The following TNFRSF13B variants were observed in gnomAD, a reference collection of about 807,000 sequenced individuals.
The protein encoded by TNFRSF13B is tumor necrosis factor receptor superfamily member 13B.
TNFRSF13B carries 34 observed loss-of-function variants against 24.0 expected under a neutral mutation model. The observed-to-expected ratio is 1.41, with a 90% CI of 1.08 to 1.88. TNFRSF13B has a LOEUF of 1.88. Among genes scored for constraint, TNFRSF13B ranks in the 40% most tolerant of loss-of-function variants. The probability of loss-of-function intolerance (pLI) is 0.00; values close to 1 mark genes in which losing one functional copy is unlikely to be tolerated. For missense variants in TNFRSF13B, 415 were observed against 380.8 expected (o/e 1.09, Z -0.75); for synonymous variants, 173 against 150.3 (o/e 1.15, Z -1.10).
At chr17:16,944,723 C>T (rs1006295995) in intron 3 of TNFRSF13B, among the ~76,000 whole-genome samples, 6 of 152,192 alleles carry the variant, frequency 3.9e-5, no homozygotes, top group African/African-American at 1.4e-4. Context: ...CACAGCAAGC[C>T]TGCCACAGTT....
intron 3 of TNFRSF13B, among the ~76,000 whole-genome samples, chr17:16,942,898 G>A (rs2087521901): frequency 6.6e-6 from 1 of 152,224 alleles, no homozygotes; most frequent in African/African-American, 2.4e-5. Flanking sequence ...ATCCAGGAGA[G>A]TGCCATGGGG....
chr17:16,970,546 C>T (rs2087736616), intron 1 of TNFRSF13B, among the ~76,000 whole-genome samples: 1 of 152,224 alleles, frequency 6.6e-6, no homozygotes, highest in South Asian at 2.1e-4. Context: ...CATGACTCCC[C>T]AAGAGGGGGT....
intron 3 of TNFRSF13B, among the ~76,000 whole-genome samples, chr17:16,945,606 A>G (rs4404112): frequency 0.28 from 42,436 of 152,052 alleles, 7,374 homozygotes; most frequent in East Asian, 0.73. Context: ...GAAGTTTCAA[A>G]TGCATCACTG....
chr17:16,954,214 G>A (rs2087609864), intron 1 of TNFRSF13B, among the ~76,000 whole-genome samples: 1 of 152,210 alleles, frequency 6.6e-6, no homozygotes, highest in African/African-American at 2.4e-5. Flanking sequence ...GAGAAACATA[G>A]TGAGATCCTG....
chr17:16,966,757 C>T (rs890216765), intron 1 of TNFRSF13B, among the ~76,000 whole-genome samples: 14 of 144,196 alleles, frequency 9.7e-5, no homozygotes, highest in African/African-American at 4.0e-4. Context: ...AAATTTATTA[C>T]AGCAACATTT....
rs539769460 is a variant in TNFRSF13B, at chr17:16,967,518, G to T, written c.61+4497C>A. Among the ~76,000 whole-genome samples the T allele has an allele frequency of 9.2e-5, 14 of 152,014 alleles. No individual in the cohort carries two copies. In the South Asian group the frequency reaches 2.5e-3, roughly 27 times the overall value. On this transcript the variant is annotated intron_variant, in intron 1 of 4. Transcript: ENST00000261652. ...ACCTGTAATCCCAGCACTTTGGGAG[G>T]CCGAGGCTGGCGGATCACGAGGTCA...
At chr17:16,951,960 A>C (rs1196139890) in intron 2 of TNFRSF13B, among the ~76,000 whole-genome samples, 1 of 152,238 alleles carries the variant, frequency 6.6e-6, no homozygotes, top group Non-Finnish European at 1.5e-5. Context: ...TTGGTTGGGA[A>C]AGTACAAGGC....
chr17:16,945,906 G>T (rs1053019709), intron 3 of TNFRSF13B, among the ~76,000 whole-genome samples: 5 of 152,202 alleles, frequency 3.3e-5, no homozygotes, highest in African/African-American at 1.2e-4. Context: ...GTGATGAAGT[G>T]TAAGTTACCA....
chr17:16,966,507 C>G (rs1452519657), intron 1 of TNFRSF13B, among the ~76,000 whole-genome samples: 1 of 152,174 alleles, frequency 6.6e-6, no homozygotes, highest in East Asian at 1.9e-4. Flanking sequence ...AAGAGACAGG[C>G]AAATTCAAAC....
chr17:16,939,253 G>C lies in TNFRSF13B; in HGVS notation c.*294C>G, dbSNP rs531106002. 5 of 389,170 alleles carry C rather than the reference G, an allele frequency of 1.3e-5. No individual in the cohort carries two copies. The highest frequency in any genetic ancestry group is 8.8e-5 in the Admixed American group (2 of 22,798). 24.1% of individuals were successfully genotyped at this position (389,170 alleles called of 1,614,324 possible). A position where few individuals can be genotyped will look rare whatever the true frequency, so the allele number is the denominator to read the frequency against. Reference sequence around the variant, plus strand: ...CCGACCTCCTGCTCTATCTCTCTCTGTCCCTCTCTCCCTCTCTGTCTCTCT... The same window carrying C: ...CCGACCTCCTGCTCTATCTCTCTCTCTCCCTCTCTCCCTCTCTGTCTCTCT... On this transcript the variant is annotated 3_prime_UTR_variant, in exon 5 of 5. Coordinates refer to ENST00000261652, the MANE Select transcript of TNFRSF13B (RefSeq NM_012452.3).
At chr17:16,942,275 G>A (rs1223562299) in intron 3 of TNFRSF13B, among the ~76,000 whole-genome samples, 2 of 152,200 alleles carry the variant, frequency 1.3e-5, no homozygotes, top group Non-Finnish European at 2.9e-5. Flanking sequence ...CCGGGAGCCG[G>A]TCTCACCAAT....
intron 2 of TNFRSF13B, among the ~76,000 whole-genome samples, chr17:16,952,147 G>A (rs753376519): frequency 6.6e-6 from 1 of 152,182 alleles, no homozygotes; most frequent in Non-Finnish European, 1.5e-5. Flanking sequence ...CTGACGTTTG[G>A]GCTGAGACCT....
intron 3 of TNFRSF13B, among the ~76,000 whole-genome samples, chr17:16,945,753 T>C (rs1166336317): frequency 6.6e-6 from 1 of 152,152 alleles, no homozygotes; most frequent in East Asian, 1.9e-4. Context: ...CAGGAGAGGC[T>C]GTGCTAGATT....
chr17:16,939,807 C>CGAGA lies in TNFRSF13B; in HGVS notation c.632-14_632-11dup, dbSNP rs780500899. On this transcript the variant is annotated splice_polypyrimidine_tract_variant and intron_variant, in intron 4 of 4. Transcript: ENST00000261652. ...GCTTCCATCGCGTGATCTGCAGAGG[C>CGAGA]GAGAGTGGAGGGCGTGGGCCAGGCC... 1.2e-6 allele frequency: 2 copies of CGAGA among 1,610,072 alleles called. No individual in the cohort carries two copies. Among genetic ancestry groups the CGAGA allele is most frequent in the Non-Finnish European group, 1.7e-6 (2 of 1,178,718 alleles).
intron 3 of TNFRSF13B, chr17:16,941,447 C>T: frequency 1.0e-6 from 1 of 987,612 alleles, no homozygotes; most frequent in Non-Finnish European, 1.2e-6. Context: ...AAAGCTCTTC[C>T]TTGTCCCTGG....
At chr17:16,956,884 A>G (rs933928456) in intron 1 of TNFRSF13B, among the ~76,000 whole-genome samples, 4 of 152,210 alleles carry the variant, frequency 2.6e-5, no homozygotes, top group African/African-American at 9.6e-5. Context: ...GGTGGAGCAC[A>G]GAGGATTTTT....
chr17:16,956,294 G>C (rs1344011966), intron 1 of TNFRSF13B, among the ~76,000 whole-genome samples: 1 of 152,204 alleles, frequency 6.6e-6, no homozygotes, highest in Non-Finnish European at 1.5e-5. Flanking sequence ...CTTGAGGAGT[G>C]GTAAGGTTAG....
intron 1 of TNFRSF13B, among the ~76,000 whole-genome samples, chr17:16,963,772 G>A (rs1270655092): frequency 1.3e-5 from 2 of 152,120 alleles, no homozygotes; most frequent in East Asian, 1.9e-4. Context: ...GGATGGTCTC[G>A]ATCTCCTGAC....
Position 16,939,814 on chromosome 17 carries a change from G to A in TNFRSF13B, c.632-17C>T, listed in dbSNP as rs771656344. The A allele has an allele frequency of 1.2e-6, 2 of 1,608,388 alleles. No individual in the cohort carries two copies. Among genetic ancestry groups the A allele is most frequent in the South Asian group, 2.2e-5 (2 of 90,600 alleles). ...TCGCGTGATCTGCAGAGGCGAGAGTGGAGGGCGTGGGCCAGGCCTGGCCCT... is the reference window on the plus strand; with the variant it reads ...TCGCGTGATCTGCAGAGGCGAGAGTAGAGGGCGTGGGCCAGGCCTGGCCCT... On this transcript the variant is annotated splice_polypyrimidine_tract_variant and intron_variant, in intron 4 of 4. Coordinates refer to ENST00000261652, the MANE Select transcript of TNFRSF13B (RefSeq NM_012452.3).
Sources: gnomAD v4.1 joint callset for allele counts (sites outside exome capture counted in the v4.1 genomes callset) on GRCh38, gnomAD v4.1.1 for gene constraint, MANE v1.5 for transcripts, NCBI Gene and HGNC (gene_info 2026-07-23, HGNC 2026-07-21) for gene names.